HTR4: variants seen among roughly 807,000 people sequenced by gnomAD.
HTR4 encodes the protein 5-hydroxytryptamine (serotonin) receptor 4, G protein-coupled.
HTR4 carries 16 observed loss-of-function variants against 36.8 expected under a neutral mutation model. The ratio of observed to expected loss-of-function variants is 0.43; its 90% CI spans 0.29 to 0.66. The LOEUF (loss-of-function observed/expected upper bound fraction) is 0.66. HTR4 is among the 30% of genes least tolerant of loss of function. HTR4 has a pLI of 0.13. For missense variants in HTR4, 438 were observed against 490.9 expected (o/e 0.89, Z 1.02); for synonymous variants, 189 against 185.1 (o/e 1.02, Z -0.17).
At chr5:148,486,241 G>A (rs985536687) in intron 6 of HTR4, among the ~76,000 whole-genome samples, 3 of 152,136 alleles carry the variant, frequency 2.0e-5, no homozygotes, top group Non-Finnish European at 2.9e-5. Context: ...ACAGTTAGCA[G>A]TTTAGTGTCA....
At chr5:148,611,098 A>G (rs1752406601) in intron 2 of HTR4, among the ~76,000 whole-genome samples, 1 of 147,480 alleles carries the variant, frequency 6.8e-6, no homozygotes, top group African/African-American at 2.5e-5. Context: ...GTTGGAAAAC[A>G]CTCTGCAGGA....
intron 2 of HTR4, among the ~76,000 whole-genome samples, chr5:148,625,864 C>T (rs1460468388): frequency 6.6e-6 from 1 of 152,106 alleles, no homozygotes; most frequent in Non-Finnish European, 1.5e-5. Flanking sequence ...CAGGTGTGAG[C>T]CACCGCGCCT....
chr5:148,590,599 T>C (rs1761527035), intron 2 of HTR4, among the ~76,000 whole-genome samples: 3 of 152,324 alleles, frequency 2.0e-5, no homozygotes, highest in African/African-American at 4.8e-5. Context: ...ATTATATTTC[T>C]ACTTTCTGGT....
At position 148,590,656 on chromosome 5, in the gene HTR4, ACT is replaced by A. The variant is rs563958285; in HGVS notation, c.27-40396_27-40395del. On this transcript the variant is annotated intron_variant, in intron 2 of 6. Coordinates refer to ENST00000377888, the MANE Select transcript of HTR4 (RefSeq NM_000870.7). ...TCCATCCTTCATACTTAAGTGAGAG[ACT>A]CTATGTAAATGCTCTTAGTCTTGTT... Among the ~76,000 whole-genome samples, 350 of 151,644 alleles carry A rather than the reference ACT, an allele frequency of 2.3e-3. 3 individuals carry two copies. Among genetic ancestry groups the A allele is most frequent in the African/African-American group, 8.0e-3 (329 of 41,376 alleles).
At chr5:148,477,897 T>C (rs776777323), downstream of HTR4, among the ~76,000 whole-genome samples, 3 of 152,186 alleles carry the variant, frequency 2.0e-5, no homozygotes, top group Non-Finnish European at 4.4e-5. Context: ...CTTAGAATGC[T>C]TGTCCCCTGT....
At chr5:148,565,036 G>A (rs763012910) in intron 2 of HTR4, among the ~76,000 whole-genome samples, 1 of 150,926 alleles carries the variant, frequency 6.6e-6, no homozygotes, top group Non-Finnish European at 1.5e-5. Flanking sequence ...CTTGAACCCA[G>A]GAGGCAGAGG....
intron 2 of HTR4, among the ~76,000 whole-genome samples, chr5:148,595,596 T>A (rs1275708778): frequency 6.6e-6 from 1 of 152,136 alleles, no homozygotes; most frequent in Admixed American, 6.6e-5. Context: ...GGAAAAGTCT[T>A]CATATATTTG....
At chr5:148,557,911 A>C (rs1257212479) in intron 2 of HTR4, among the ~76,000 whole-genome samples, 1 of 151,740 alleles carries the variant, frequency 6.6e-6, no homozygotes, top group African/African-American at 2.4e-5. Context: ...TTATATTTTT[A>C]TGTATCGAAC....
intron 5 of HTR4, among the ~76,000 whole-genome samples, chr5:148,454,441 T>C (rs1407861477): frequency 1.3e-5 from 2 of 152,184 alleles, no homozygotes; most frequent in Non-Finnish European, 2.9e-5. Context: ...ATACCTCACT[T>C]TGCTCCTCTG....
chr5:148,508,314 T>C (rs116319875), intron 6 of HTR4, among the ~76,000 whole-genome samples: 2,034 of 152,306 alleles, frequency 0.013, 23 homozygotes, highest in Middle Eastern at 0.048. Context: ...CCTGTTTTGC[T>C]ACAGGATGAA....
At chr5:148,608,414 C>T (rs1011427) in intron 2 of HTR4, among the ~76,000 whole-genome samples, 23,365 of 151,918 alleles carry the variant, frequency 0.15, 2,577 homozygotes, top group East Asian at 0.33. Context: ...AGAGATTGTG[C>T]CATAACTAGC....
chr5:148,539,917 A>G (rs1385780584), intron 4 of HTR4, among the ~76,000 whole-genome samples: 4 of 152,138 alleles, frequency 2.6e-5, no homozygotes, highest in Non-Finnish European at 5.9e-5. Flanking sequence ...AGACACATGC[A>G]CCCAAATGTT....
intron 2 of HTR4, among the ~76,000 whole-genome samples, chr5:148,579,647 A>G (rs988820286): frequency 1.6e-4 from 25 of 152,002 alleles, no homozygotes; most frequent in African/African-American, 5.8e-4. Flanking sequence ...GGAGCTCAGG[A>G]TTCCCTTTTC....
chr5:148,507,655 A>G (rs917347479), intron 6 of HTR4, among the ~76,000 whole-genome samples: 4 of 151,976 alleles, frequency 2.6e-5, no homozygotes, highest in African/African-American at 9.7e-5. Flanking sequence ...TCTTTGCTTT[A>G]CAATGATCCT....
intron 1 of HTR4, among the ~76,000 whole-genome samples, chr5:148,644,332 G>A (rs1011454061): frequency 1.3e-5 from 2 of 149,230 alleles, no homozygotes; most frequent in African/African-American, 4.9e-5. Context: ...TGACTAAAAG[G>A]ATTCAAATAG....
chr5:148,507,804 A>G (rs947031309), intron 6 of HTR4, among the ~76,000 whole-genome samples: 10 of 152,336 alleles, frequency 6.6e-5, no homozygotes, highest in African/African-American at 2.4e-4. Flanking sequence ...CAAATGTATT[A>G]CCAGAGCATA....
chr5:148,517,873 T>G (rs984555541), intron 5 of HTR4, among the ~76,000 whole-genome samples: 2 of 152,248 alleles, frequency 1.3e-5, no homozygotes, highest in East Asian at 3.9e-4. Context: ...ATTTTCCTCA[T>G]AGTAAAAGTC....
At chr5:148,652,687 C>T (rs1754076332) in intron 1 of HTR4, among the ~76,000 whole-genome samples, 2 of 152,114 alleles carry the variant, frequency 1.3e-5, no homozygotes, top group South Asian at 4.1e-4. Flanking sequence ...CTCCTGCTAG[C>T]TTCAGTGAGC....
At chr5:148,618,330 C>A (rs1752782099) in intron 2 of HTR4, among the ~76,000 whole-genome samples, 2 of 152,214 alleles carry the variant, frequency 1.3e-5, no homozygotes, top group Admixed American at 6.5e-5. Context: ...TCAAAAGCAG[C>A]AACCAACTTT....
Sources: allele counts gnomAD v4.1 joint callset (sites outside exome capture counted in the v4.1 genomes callset), GRCh38; gene constraint gnomAD v4.1.1; transcripts MANE v1.5; gene names NCBI Gene and HGNC (gene_info 2026-07-23, HGNC 2026-07-21).